Variants in NLRP2 observed in about 807,000 individuals in gnomAD.
The protein encoded by NLRP2 is NLR family pyrin domain containing 2.
NLRP2 carries 107 observed loss-of-function variants against 97.2 expected under a neutral mutation model. The ratio of observed to expected loss-of-function variants is 1.10; its 90% CI spans 0.94 to 1.29. The LOEUF (loss-of-function observed/expected upper bound fraction) is 1.29, where lower values mean the gene tolerates loss of function less well. Among genes scored for constraint, NLRP2 ranks in the 50% most tolerant of loss-of-function variants. The pLI is 0.00. For missense variants in NLRP2, 1,495 were observed against 1,330.3 expected (o/e 1.12, Z -1.93); for synonymous variants, 663 against 551.5 (o/e 1.20, Z -2.83).
intron 8 of NLRP2, among the ~76,000 whole-genome samples, chr19:54,988,862 A>G (rs2072270427): frequency 1.3e-5 from 2 of 151,956 alleles, no homozygotes; most frequent in Non-Finnish European, 2.9e-5. Flanking sequence ...CCGGATGAAC[A>G]GGGCACCTTG....
Position 54,982,997 on chromosome 19 carries a change from C to T in NLRP2, c.1299C>T (p.Leu433=), listed in dbSNP as rs534817547. The T allele has an allele frequency of 1.9e-6, 3 of 1,610,802 alleles. No homozygotes were observed. The highest frequency in any genetic ancestry group is 2.2e-5 in the South Asian group (2 of 90,888). ...LTRTGLFLRF[L]CSRFPQGAQL... Reference sequence around the variant, plus strand: ...GCACGGGGCTGTTCCTGCGTTTCCTCTGCAGCCGGTTCCCGCAGGGCGCAC... The same window carrying T: ...GCACGGGGCTGTTCCTGCGTTTCCTTTGCAGCCGGTTCCCGCAGGGCGCAC... Residue 433 remains leucine (L), a synonymous_variant, in exon 6 of 13, where the codon CTC becomes CTT. Transcript: ENST00000448584.
At chr19:54,990,356 T>A (rs1232338337) in intron 9 of NLRP2, 146 bp from the exon 10 acceptor site, 1 of 1,116,416 alleles carries the variant, frequency 9.0e-7, no homozygotes, top group Non-Finnish European at 1.4e-6. Flanking sequence ...CTTCTCTCAT[T>A]CCTATTCCTT....
At position 54,982,305 on chromosome 19, in the gene NLRP2, G is replaced by C. The variant is rs368045816; in HGVS notation, c.607G>C (p.Gly203Arg). The C allele has an allele frequency of 1.4e-5, 23 of 1,614,060 alleles. No homozygotes were observed. The South Asian group carries it at 2.2e-4, about 15-fold the overall frequency. ...IPFSNPRVLP[G>R]PFSYTVVLYG... is the part of the protein sequence containing the mutation. ...ATTCAGCAACCCCAGGGTGCTTCCC[G>C]GGCCCTTCTCATACACGGTGGTGCT... Residue 203 changes from glycine (G) to arginine (R), a missense_variant, in exon 6 of 13, where the codon GGG (glycine) becomes CGG (arginine). Transcript: ENST00000448584.
intron 8 of NLRP2, among the ~76,000 whole-genome samples, chr19:54,987,661 G>T (rs1339182811): frequency 2.2e-4 from 33 of 151,342 alleles, no homozygotes; most frequent in Non-Finnish European, 5.9e-5. Flanking sequence ...AGCATCATTT[G>T]AACCTGAGAG....
chr19:54,965,535 A>G (rs2070333214), upstream of NLRP2, among the ~76,000 whole-genome samples: 1 of 94,690 alleles, frequency 1.1e-5, no homozygotes, highest in African/African-American at 4.5e-5. Context: ...TGCTCACTGC[A>G]AGCTCCGCCT....
At chr19:54,995,184 C>T (rs1438932894) in intron 11 of NLRP2, among the ~76,000 whole-genome samples, 7 of 130,016 alleles carry the variant, frequency 5.4e-5, no homozygotes, top group Admixed American at 4.2e-4. Context: ...GTAGTGGGTG[C>T]CTCTTTTTTT....
chr19:54,999,953 T>G (rs2073085721), intron 12 of NLRP2, among the ~76,000 whole-genome samples: 2 of 152,136 alleles, frequency 1.3e-5, no homozygotes, highest in Non-Finnish European at 2.9e-5. Context: ...CCTAGGCTGG[T>G]CTCAAACTCC....
At chr19:54,994,774 C>G (rs572018484) in intron 11 of NLRP2, among the ~76,000 whole-genome samples, 1 of 151,890 alleles carries the variant, frequency 6.6e-6, no homozygotes, top group South Asian at 2.1e-4. Context: ...CCATGCCCAG[C>G]TAATTCTTGT....
At chr19:54,976,919 A>C (rs775897) in intron 3 of NLRP2, 33 of 395,822 alleles carry the variant, frequency 8.3e-5, no homozygotes, top group Middle Eastern at 5.4e-4. Flanking sequence ...GGTTCAAGCA[A>C]TTCCCTTGCC....
chr19:54,995,703 A>AG (rs1446720257), intron 11 of NLRP2, among the ~76,000 whole-genome samples: 2 of 152,142 alleles, frequency 1.3e-5, no homozygotes, highest in African/African-American at 4.8e-5. Context: ...AGCTACAATC[A>AG]GATGCACTTG....
chr19:54,985,859 G>A (rs1273334732), intron 7 of NLRP2, among the ~76,000 whole-genome samples: 1 of 151,960 alleles, frequency 6.6e-6, no homozygotes, highest in East Asian at 1.9e-4. Flanking sequence ...TTTGCCAGGT[G>A]TCGTGGCAGG....
chr19:54,974,622 T>C (rs371904861), intron 3 of NLRP2, 78 bp downstream of exon 3: 1 of 1,041,210 alleles, frequency 9.6e-7, no homozygotes, highest in East Asian at 2.4e-5. Flanking sequence ...GAGAATGTGC[T>C]GAGCACTAAG....
chr19:54,967,979 C>T (rs532996645), intron 1 of NLRP2, among the ~76,000 whole-genome samples: 2 of 144,412 alleles, frequency 1.4e-5, no homozygotes, highest in Admixed American at 7.2e-5. Context: ...AGTACAGTGG[C>T]GCTATCTCAG....
intron 10 of NLRP2, 191 bp downstream of exon 10, chr19:54,990,863 A>G (rs2072430980): frequency 4.7e-6 from 3 of 640,266 alleles, no homozygotes; most frequent in Admixed American, 5.3e-5. Flanking sequence ...TAGTAGTAAT[A>G]TTCTATAGGG....
At chr19:54,996,726 T>A (rs1228227942) in intron 11 of NLRP2, among the ~76,000 whole-genome samples, 2 of 150,242 alleles carry the variant, frequency 1.3e-5, no homozygotes, top group African/African-American at 2.5e-5. Flanking sequence ...CTTCAGGGCC[T>A]CTGCACAAGC....
intron 7 of NLRP2, 79 bp downstream of exon 7, chr19:54,985,296 A>C: frequency 1.5e-6 from 2 of 1,347,558 alleles, no homozygotes; most frequent in Non-Finnish European, 2.1e-6. Flanking sequence ...CAATATTCAG[A>C]TTCCTGTACT....
Position 54,982,750 on chromosome 19 carries a change from C to A in NLRP2, c.1052C>A (p.Pro351Gln), listed in dbSNP as rs762141241. The A allele has an allele frequency of 6.2e-7, 1 of 1,613,974 alleles. No individual in the cohort carries two copies. Among genetic ancestry groups the A allele is most frequent in the Admixed American group, 1.7e-5 (1 of 59,994 alleles). ...LRDLRILAEE[P>Q]IYIRVEGFLE... Reference sequence around the variant, plus strand: ...GACCTCCGGATCCTGGCGGAGGAGCCGATCTACATAAGGGTGGAGGGCTTC... The same window carrying A: ...GACCTCCGGATCCTGGCGGAGGAGCAGATCTACATAAGGGTGGAGGGCTTC... Residue 351 changes from proline to glutamine, a missense_variant, in exon 6 of 13, where the codon CCG becomes CAG. Physicochemically the swap from Pro to Gln is moderately conservative, Grantham distance 76. Coordinates refer to ENST00000448584, the MANE Select transcript of NLRP2 (RefSeq NM_017852.5).
At chr19:54,966,216 A>G (rs2070388549), upstream of NLRP2, 1 of 151,770 alleles carries the variant, frequency 6.6e-6, no homozygotes, top group Admixed American at 6.6e-5. Context: ...GAGGCTCCAC[A>G]TAGGTAAGTT....
Position 54,999,087 on chromosome 19 carries a change from C to T in NLRP2, c.3050+1600C>T, listed in dbSNP as rs191469853. On this transcript the variant is annotated intron_variant, in intron 12 of 12. Coordinates refer to ENST00000448584, the MANE Select transcript of NLRP2 (RefSeq NM_017852.5). ...GGGGCTCCTCACTTCCCATTAGGGG[C>T]GGCCGGGCAGAGGCGCCCCTCACCT... Among the ~76,000 whole-genome samples, 402 of 148,670 alleles carry T rather than the reference C, an allele frequency of 2.7e-3. 1 individual carries two copies. Among genetic ancestry groups the T allele is most frequent in the Non-Finnish European group, 5.1e-3 (340 of 66,808 alleles).
Sources: gnomAD v4.1 joint callset for allele counts (sites outside exome capture counted in the v4.1 genomes callset) on GRCh38, gnomAD v4.1.1 for gene constraint, MANE v1.5 for transcripts, NCBI Gene and HGNC (gene_info 2026-07-23, HGNC 2026-07-21) for gene names.